The following GLIS3 variants were observed in gnomAD, a reference collection of about 807,000 sequenced individuals.
GLIS3 encodes zinc finger protein GLIS3.
GLIS3 carries 53 observed loss-of-function variants against 78.6 expected under a neutral mutation model. The observed-to-expected ratio is 0.67, with a 90% CI of 0.54 to 0.85. GLIS3 has a LOEUF of 0.85. Ranked by LOEUF, GLIS3 falls within the 40% of genes least tolerant of loss-of-function variation. The pLI is 0.00. For missense variants in GLIS3, 1,703 were observed against 1,231.1 expected (o/e 1.38, Z -5.74); for synonymous variants, 684 against 509.9 (o/e 1.34, Z -4.60).
At chr9:4,443,716 G>A in the GLIS3 span, among the ~76,000 whole-genome samples, 1 of 152,230 alleles carries the variant, frequency 6.6e-6, no homozygotes, top group Non-Finnish European at 1.5e-5. Context: ...TGGGGAACAG[G>A]AAAAGGAGTA....
At chr9:3,982,322 C>G (rs530303696) in intron 4 of GLIS3, among the ~76,000 whole-genome samples, 1 of 152,076 alleles carries the variant, frequency 6.6e-6, no homozygotes, top group African/African-American at 2.4e-5. Flanking sequence ...AGCTCCTATC[C>G]AAGGCAATCT....
the GLIS3 span, among the ~76,000 whole-genome samples, chr9:4,459,979 A>C: frequency 1.3e-5 from 2 of 152,214 alleles, no homozygotes; most frequent in Non-Finnish European, 1.5e-5. Flanking sequence ...GAGCTGTTTC[A>C]GTAGAATAAT....
chr9:4,404,052 A>G, the GLIS3 span, among the ~76,000 whole-genome samples: 1 of 152,198 alleles, frequency 6.6e-6, no homozygotes, highest in Non-Finnish European at 1.5e-5. Flanking sequence ...GACAATAGAA[A>G]CCAAAGAAGA....
intron 2 of GLIS3, among the ~76,000 whole-genome samples, chr9:4,184,544 G>A (rs957300216): frequency 1.3e-5 from 2 of 152,222 alleles, no homozygotes; most frequent in African/African-American, 4.8e-5. Flanking sequence ...GGGACTGGGA[G>A]ACACAGGTAG....
intron 2 of GLIS3, among the ~76,000 whole-genome samples, chr9:4,262,933 C>CA (rs34292499): frequency 0.2 from 19,315 of 97,638 alleles, 1,709 homozygotes; most frequent in African/African-American, 0.29. Context: ...GTGTTTGCCT[C>CA]AAAAAAAAAA....
At chr9:4,065,736 A>G (rs1827042128) in intron 4 of GLIS3, among the ~76,000 whole-genome samples, 2 of 152,324 alleles carry the variant, frequency 1.3e-5, no homozygotes, top group African/African-American at 4.8e-5. Context: ...GAAGAGGTCT[A>G]AGATGCTAGT....
chr9:3,847,380 TC>T (rs1279376153), intron 9 of GLIS3, among the ~76,000 whole-genome samples: 2 of 152,244 alleles, frequency 1.3e-5, no homozygotes, highest in Non-Finnish European at 2.9e-5. Context: ...GTCTTTTCTT[TC>T]TGTTCATTCG....
chr9:4,439,162 C>T, the GLIS3 span, among the ~76,000 whole-genome samples: 1 of 152,150 alleles, frequency 6.6e-6, no homozygotes, highest in Non-Finnish European at 1.5e-5. Flanking sequence ...CTTCCAATTC[C>T]CTAATCATCC....
chr9:4,006,105 C>T (rs1034891695), intron 4 of GLIS3, among the ~76,000 whole-genome samples: 8 of 152,122 alleles, frequency 5.3e-5, no homozygotes, highest in Admixed American at 2.6e-4. Context: ...CTCTCCTCTG[C>T]TTTCAATGGA....
chr9:4,294,495 G>A (rs888243385), intron 1 of GLIS3, among the ~76,000 whole-genome samples: 3 of 151,020 alleles, frequency 2.0e-5, no homozygotes, highest in Non-Finnish European at 4.4e-5. Flanking sequence ...GGCAGCAAGA[G>A]CGAAATTATG....
intron 8 of GLIS3, among the ~76,000 whole-genome samples, chr9:3,861,236 C>T (rs541862799): frequency 6.6e-6 from 1 of 152,162 alleles, no homozygotes; most frequent in African/African-American, 2.4e-5. Context: ...AATCTTAAGA[C>T]TCCTTCCTTC....
rs780019691 is a variant in GLIS3, at chr9:4,286,137, G to A, written c.289C>T (p.Arg97Ter). Residue 97 changes from arginine (R) to a stop codon, truncating the protein, a stop_gained, in exon 2 of 11, where the codon CGA (arginine) becomes TGA (stop). Coordinates refer to ENST00000381971, the MANE Select transcript of GLIS3 (RefSeq NM_001042413.2). LOFTEE classifies it high-confidence loss of function. Reference sequence around the variant, plus strand: ...CCTCCAGCCTGGGTGACCTGGAATCGCGGCTTCCCATTGGTGAGCATTTGT... The same window carrying A: ...CCTCCAGCCTGGGTGACCTGGAATCACGGCTTCCCATTGGTGAGCATTTGT... ...RRQMLTNGKP[R>*]FQVTQAGGMS... The A allele has an allele frequency of 6.2e-6, 10 of 1,613,614 alleles. No individual in the cohort carries two copies. The highest frequency in any genetic ancestry group is 4.5e-5 in the East Asian group (2 of 44,886).
At chr9:4,022,339 C>T (rs1204074131) in intron 4 of GLIS3, among the ~76,000 whole-genome samples, 4 of 152,186 alleles carry the variant, frequency 2.6e-5, no homozygotes, top group Admixed American at 6.5e-5. Context: ...TTTAGGTTTT[C>T]CCCCTTTTTA....
chr9:4,230,826 T>C (rs921191388), intron 2 of GLIS3, among the ~76,000 whole-genome samples: 9 of 152,128 alleles, frequency 5.9e-5, no homozygotes, highest in Non-Finnish European at 1.3e-4. Flanking sequence ...AGAATCTAAT[T>C]CTAAGAAAGC....
At chr9:4,125,670 C>G in intron 3 of GLIS3, 64 bp downstream of exon 3, 1 of 1,096,180 alleles carries the variant, frequency 9.1e-7, no homozygotes, top group Non-Finnish European at 1.4e-6. Context: ...AGAAAGAGAA[C>G]GGAAAACACT....
chr9:4,304,977 G>C (rs76665680), upstream of GLIS3, among the ~76,000 whole-genome samples: 1 of 152,110 alleles, frequency 6.6e-6, no homozygotes, highest in Non-Finnish European at 1.5e-5. Context: ...ACCTGCCCCG[G>C]GTAAGAGTGT....
chr9:3,908,708 T>TTTG (rs1823899590), intron 6 of GLIS3, among the ~76,000 whole-genome samples: 2 of 105,102 alleles, frequency 1.9e-5, no homozygotes, highest in African/African-American at 6.6e-5. Context: ...TTGTATTTGT[T>TTTG]TTTTTTTTTT....
intron 2 of GLIS3, among the ~76,000 whole-genome samples, chr9:4,137,333 C>T (rs1441438500): frequency 6.6e-6 from 1 of 152,162 alleles, no homozygotes; most frequent in Non-Finnish European, 1.5e-5. Flanking sequence ...CAGCTTGAAT[C>T]TTCCATGTTT....
chr9:4,437,371 T>A, the GLIS3 span, among the ~76,000 whole-genome samples: 1 of 152,226 alleles, frequency 6.6e-6, no homozygotes, highest in Non-Finnish European at 1.5e-5. Flanking sequence ...TTTTTACATA[T>A]TCATATTTTC....
Sources: gnomAD v4.1 joint callset for allele counts (sites outside exome capture counted in the v4.1 genomes callset) on GRCh38, gnomAD v4.1.1 for gene constraint, MANE v1.5 for transcripts, NCBI Gene and HGNC (gene_info 2026-07-23, HGNC 2026-07-21) for gene names.